Variants in RBM25 observed in about 807,000 individuals in gnomAD.
RBM25 encodes the protein RNA binding motif protein 25.
Under a neutral mutation model 120.7 loss-of-function variants are expected in RBM25, and 19 were observed. That is an observed-to-expected ratio of 0.16 (90% CI 0.11 to 0.23). The LOEUF (loss-of-function observed/expected upper bound fraction) is 0.23, where lower values mean the gene tolerates loss of function less well. Among genes scored for constraint, RBM25 ranks in the 10% least tolerant of loss-of-function variants. The pLI, the probability that RBM25 is intolerant of heterozygous loss-of-function variation, is 1.00. For synonymous variants in RBM25, 390 were observed against 326.7 expected, an observed-to-expected ratio of 1.19 and a Z score of -2.09; for missense variants, 605 against 1,041.5, an observed-to-expected ratio of 0.58 and a Z score of 5.77.
At chr14:73,096,791 T>G in intron 6 of RBM25, 124 bp from the exon 7 acceptor site, 1 of 734,508 alleles carries the variant, frequency 1.4e-6, no homozygotes, top group South Asian at 2.0e-5. Context: ...AAACCAATTC[T>G]GTGTTTAATA....
At chr14:73,109,536 G>T (rs1408902691) in intron 14 of RBM25, 44 bp downstream of exon 14, 3 of 1,574,734 alleles carry the variant, frequency 1.9e-6, no homozygotes, top group Non-Finnish European at 2.6e-6. Context: ...GCTCACGCCT[G>T]TAATCCCAGC....
intron 10 of RBM25, among the ~76,000 whole-genome samples, chr14:73,103,793 A>G (rs1459830777): frequency 1.3e-5 from 2 of 151,850 alleles, no homozygotes; most frequent in Admixed American, 6.6e-5. Flanking sequence ...GCCTCAAGTG[A>G]TCCGCCTGCC....
intron 1 of RBM25, among the ~76,000 whole-genome samples, chr14:73,061,579 A>T (rs1353296504): frequency 6.6e-6 from 1 of 150,768 alleles, no homozygotes; most frequent in Non-Finnish European, 1.5e-5. Context: ...TTTTTGTTTT[A>T]TTTGGTTTTT....
intron 1 of RBM25, among the ~76,000 whole-genome samples, chr14:73,063,661 C>T (rs988131926): frequency 1.3e-5 from 2 of 151,274 alleles, no homozygotes; most frequent in African/African-American, 4.8e-5. Flanking sequence ...ATAGCACTTT[C>T]ACCACTACCA....
intron 6 of RBM25, among the ~76,000 whole-genome samples, chr14:73,094,000 G>T (rs1345578540): frequency 7.1e-6 from 1 of 141,620 alleles, no homozygotes; most frequent in African/African-American, 2.7e-5. Context: ...CGCCCAGGCT[G>T]GAGTGCAGTG....
intron 9 of RBM25, chr14:73,100,642 A>G (rs1242579067): frequency 1.3e-5 from 3 of 239,152 alleles, no homozygotes; most frequent in Non-Finnish European, 2.4e-5. Context: ...AGAGATCTTT[A>G]ACTCAGTGAA....
intron 4 of RBM25, among the ~76,000 whole-genome samples, chr14:73,081,501 AT>A (rs35966653): frequency 0.19 from 28,429 of 151,326 alleles, 3,076 homozygotes; most frequent in East Asian, 0.43. Flanking sequence ...TTATCCTTGG[AT>A]TTTTTTCTGT....
chr14:73,089,055 C>T (rs750216563), intron 6 of RBM25, among the ~76,000 whole-genome samples: 5 of 152,094 alleles, frequency 3.3e-5, no homozygotes, highest in East Asian at 1.9e-4. Flanking sequence ...GCAGGAGAAT[C>T]GCTTGAACTG....
In RBM25 at chr14:73,118,407, G is replaced by A. The variant is rs117194644; in HGVS notation, c.2440-1306G>A. On this transcript the variant is annotated intron_variant, in intron 18 of 18. Coordinates refer to ENST00000261973, the MANE Select transcript of RBM25 (RefSeq NM_021239.3). ...GTGGGAGTATCACTTGAGCCTGGGAGGTCAAGGCTGTAGTGCACCATGATC... is the reference window on the plus strand; with the variant it reads ...GTGGGAGTATCACTTGAGCCTGGGAAGTCAAGGCTGTAGTGCACCATGATC... Among the ~76,000 whole-genome samples, 335 of 151,956 alleles carry A rather than the reference G, an allele frequency of 2.2e-3. 9 individuals carry two copies. The East Asian group carries it at 0.056, about 25-fold the overall frequency.
At chr14:73,084,992 T>C (rs565653940) in intron 5 of RBM25, among the ~76,000 whole-genome samples, 4 of 152,162 alleles carry the variant, frequency 2.6e-5, no homozygotes, top group Middle Eastern at 3.4e-3. Flanking sequence ...CTAGATTGAT[T>C]AATTCATTAG....
At chr14:73,108,617 G>A (rs1431043757) in intron 13 of RBM25, among the ~76,000 whole-genome samples, 1 of 152,070 alleles carries the variant, frequency 6.6e-6, no homozygotes, top group African/African-American at 2.4e-5. Context: ...AAGTTCCCTG[G>A]GGATGTAGAC....
At chr14:73,076,492 C>A in intron 3 of RBM25, 124 bp downstream of exon 3, 2 of 820,468 alleles carry the variant, frequency 2.4e-6, no homozygotes, top group Non-Finnish European at 3.9e-6. Flanking sequence ...AATGACAGCA[C>A]CCCTGTAGAG....
In RBM25 at chr14:73,115,058, T is replaced by C. The variant is rs187427998; in HGVS notation, c.2439+725T>C. Among the ~76,000 whole-genome samples the C allele has an allele frequency of 1.7e-3, 264 of 152,240 alleles. 2 individuals are homozygous for C. Among genetic ancestry groups the C allele is most frequent in the African/African-American group, 5.8e-3 (241 of 41,526 alleles). On this transcript the variant is annotated intron_variant, in intron 18 of 18. Coordinates refer to ENST00000261973, the MANE Select transcript of RBM25 (RefSeq NM_021239.3). ...TTGATGTACTTGTTTGAATTAGATA[T>C]GTAGAAAGGATAATGGAGGTAGAGG...
In RBM25 at chr14:73,119,839, C is replaced by T. The variant is rs1064612; in HGVS notation, c.*34C>T. 1.3e-6 allele frequency: 2 copies of T among 1,582,656 alleles called. No individual in the cohort carries two copies. Among genetic ancestry groups the T allele is most frequent in the Non-Finnish European group, 1.7e-6 (2 of 1,171,396 alleles). The stretch of plus-strand genomic sequence containing the variant: ...ATATTTAGAGTTCCATTTCAGATTT[C>T]TTCTTTGCCACCCTTTTAAGGACTT... On this transcript the variant is annotated 3_prime_UTR_variant, in exon 19 of 19. Coordinates refer to ENST00000261973, the MANE Select transcript of RBM25 (RefSeq NM_021239.3).
chr14:73,084,291 A>T (rs1022063489), intron 5 of RBM25, among the ~76,000 whole-genome samples: 1 of 151,942 alleles, frequency 6.6e-6, no homozygotes, highest in African/African-American at 2.4e-5. Context: ...AAGTCTCCTA[A>T]TTTTTTTTAT....
rs1896504740 is a variant in RBM25, at chr14:73,119,598, A to C, written c.2440-115A>C. On this transcript the variant is annotated intron_variant, in intron 18 of 18. Coordinates refer to ENST00000261973, the MANE Select transcript of RBM25 (RefSeq NM_021239.3). ...AACCTTAAAATCTTAACTAGCATTT[A>C]AGTAATAAGTGCTTATTGTCAGTGG... 2.0e-6 allele frequency: 3 copies of C among 1,533,372 alleles called. No homozygotes were observed. The African/African-American group carries it at 4.2e-5, about 21-fold the overall frequency. The allele number at this position is 1,533,372 out of a possible 1,614,324, so 95.0% of individuals were successfully genotyped here. A position where few individuals can be genotyped will look rare whatever the true frequency, so the allele number is the denominator to read the frequency against.
intron 2 of RBM25, among the ~76,000 whole-genome samples, chr14:73,074,180 T>C (rs183335646): frequency 1.3e-5 from 2 of 152,338 alleles, no homozygotes; most frequent in East Asian, 3.9e-4. Context: ...TTTCTTCATA[T>C]ATTTATAGGC....
intron 2 of RBM25, among the ~76,000 whole-genome samples, chr14:73,072,201 G>A (rs1895310698): frequency 6.6e-6 from 1 of 151,868 alleles, no homozygotes; most frequent in Non-Finnish European, 1.5e-5. Flanking sequence ...CGAACTCTTG[G>A]CCTCAAATGA....
At position 73,068,428 on chromosome 14, in the gene RBM25, C is replaced by G. The variant is rs541569992; in HGVS notation, c.-15-3199C>G. 53 of 654,558 alleles carry G rather than the reference C, an allele frequency of 8.1e-5. 2 individuals carry two copies. Among genetic ancestry groups the G allele is most frequent in the South Asian group, 7.1e-4 (51 of 71,408 alleles). 40.5% of individuals were successfully genotyped at this position (654,558 alleles called of 1,614,324 possible). Reference sequence around the variant, plus strand: ...TTTGGTTCATTTACAGGATCTGAGACTTATTCAGACTACCAGCTGTATTAT... The same window carrying G: ...TTTGGTTCATTTACAGGATCTGAGAGTTATTCAGACTACCAGCTGTATTAT... On this transcript the variant is annotated intron_variant, in intron 1 of 18. Coordinates refer to ENST00000261973, the MANE Select transcript of RBM25 (RefSeq NM_021239.3).
Sources: gnomAD v4.1 joint callset for allele counts (sites outside exome capture counted in the v4.1 genomes callset) on GRCh38, gnomAD v4.1.1 for gene constraint, MANE v1.5 for transcripts, NCBI Gene and HGNC (gene_info 2026-07-23, HGNC 2026-07-21) for gene names.